UNC13A: variants seen among roughly 807,000 people sequenced by gnomAD.
UNC13A encodes unc-13 homolog A.
In UNC13A, 61 loss-of-function variants were observed where a neutral mutation model predicts 219.7. The ratio of observed to expected loss-of-function variants is 0.28; its 90% CI spans 0.23 to 0.34. The LOEUF is 0.34. UNC13A is among the 10% of genes least tolerant of loss of function. UNC13A has a pLI of 1.00. For synonymous variants in UNC13A, 920 were observed against 884.6 expected, an observed-to-expected ratio of 1.04 and a Z score of -0.71; for missense variants, 1,476 against 2,270.3, an observed-to-expected ratio of 0.65 and a Z score of 7.11.
chr19:17,616,375 C>G (rs568882548), intron 41 of UNC13A: 1 of 675,878 alleles, frequency 1.5e-6, no homozygotes, highest in East Asian at 2.9e-5. Context: ...GGGCACCAGG[C>G]GCGGGCGGCG....
chr19:17,680,507 TG>T (rs1488075411), intron 1 of UNC13A, among the ~76,000 whole-genome samples: 1 of 152,148 alleles, frequency 6.6e-6, no homozygotes, highest in Non-Finnish European at 1.5e-5. Flanking sequence ...CAAAGGTCTT[TG>T]GGGCCCCCAG....
chr19:17,658,996 A>G (rs949043810), intron 8 of UNC13A, among the ~76,000 whole-genome samples: 3 of 152,056 alleles, frequency 2.0e-5, no homozygotes, highest in African/African-American at 7.2e-5. Flanking sequence ...AAAAATTCCA[A>G]TTCTAAAAGC....
At chr19:17,681,926 T>G (rs1468375280) in intron 1 of UNC13A, among the ~76,000 whole-genome samples, 4 of 149,632 alleles carry the variant, frequency 2.7e-5, no homozygotes, top group Non-Finnish European at 5.9e-5. Context: ...GCTTTTAGTC[T>G]CCATTAATAA....
At chr19:17,681,378 TAGG>T (rs2080015542) in intron 1 of UNC13A, among the ~76,000 whole-genome samples, 1 of 152,036 alleles carries the variant, frequency 6.6e-6, no homozygotes. Flanking sequence ...AAATAGATTA[TAGG>T]AGATTTGATC....
intron 26 of UNC13A, among the ~76,000 whole-genome samples, chr19:17,634,851 C>G (rs533941760): frequency 1.3e-5 from 2 of 152,016 alleles, no homozygotes; most frequent in Admixed American, 1.3e-4. Flanking sequence ...TGTACCACCA[C>G]GCCCGGTTAA....
intron 37 of UNC13A, 94 bp downstream of exon 37, chr19:17,621,738 T>G: frequency 7.3e-7 from 1 of 1,367,950 alleles, no homozygotes; most frequent in Non-Finnish European, 1.0e-6. Context: ...GACCCCCAGC[T>G]GCCCTTCCTG....
In UNC13A at chr19:17,608,522, A is replaced by G. The variant is rs893425213; in HGVS notation, c.4811+1418T>C. Among the ~76,000 whole-genome samples the G allele has an allele frequency of 1.2e-4, 16 of 128,830 alleles. 1 individual carries two copies. Among genetic ancestry groups the G allele is most frequent in the Non-Finnish European group, 2.1e-4 (12 of 56,266 alleles). The allele number at this position is 128,830 out of a possible 152,430, so 84.5% of individuals were successfully genotyped here. A position where few individuals can be genotyped will look rare whatever the true frequency, so the allele number is the denominator to read the frequency against. On this transcript the variant is annotated intron_variant, in intron 43 of 43. Coordinates refer to ENST00000519716, the MANE Select transcript of UNC13A (RefSeq NM_001080421.3). ...TACATATTTTATATATAATTATATAATATATATTTCTTTTAGACGGAGTCT... is the reference window on the plus strand; with the variant it reads ...TACATATTTTATATATAATTATATAGTATATATTTCTTTTAGACGGAGTCT...
At chr19:17,616,638 C>T (rs2076668258) in intron 41 of UNC13A, among the ~76,000 whole-genome samples, 1 of 152,190 alleles carries the variant, frequency 6.6e-6, no homozygotes, top group Admixed American at 6.5e-5. Context: ...ACGTCAGCTG[C>T]AGACAGACGG....
chr19:17,635,512 T>C (rs2076904260), intron 26 of UNC13A, among the ~76,000 whole-genome samples: 1 of 152,158 alleles, frequency 6.6e-6, no homozygotes, highest in Non-Finnish European at 1.5e-5. Context: ...ACTGTGCCCA[T>C]ATTCATACAC....
chr19:17,652,689 A>G lies in UNC13A; in HGVS notation c.1393-12T>C, dbSNP rs1431412105. On this transcript the variant is annotated splice_polypyrimidine_tract_variant and intron_variant, in intron 11 of 43. Coordinates refer to ENST00000519716, the MANE Select transcript of UNC13A (RefSeq NM_001080421.3). ...CCTTCTCCCCGGGCCTGCAGGACAG[A>G]CAGACAGATATGGTCAGTGTGGCTG... 2 of 1,613,644 alleles carry G rather than the reference A, an allele frequency of 1.2e-6. No homozygotes were observed. The highest frequency in any genetic ancestry group is 1.7e-6 in the Non-Finnish European group (2 of 1,179,664).
intron 30 of UNC13A, 63 bp from the exon 31 acceptor site, chr19:17,629,386 C>A: frequency 6.9e-7 from 1 of 1,440,694 alleles, no homozygotes; most frequent in East Asian, 2.4e-5. Flanking sequence ...GCCAGTCGTC[C>A]CATCAAGGCC....
intron 41 of UNC13A, among the ~76,000 whole-genome samples, chr19:17,617,501 G>A (rs1040222658): frequency 1.3e-5 from 2 of 152,072 alleles, no homozygotes; most frequent in East Asian, 1.9e-4. Flanking sequence ...AGGGGTTGAC[G>A]ATCACCTCCA....
At chr19:17,609,524 C>T (rs1203612047) in intron 43 of UNC13A, among the ~76,000 whole-genome samples, 1 of 151,998 alleles carries the variant, frequency 6.6e-6, no homozygotes, top group Non-Finnish European at 1.5e-5. Flanking sequence ...CACCCCCATG[C>T]AACCTCAGTC....
intron 31 of UNC13A, among the ~76,000 whole-genome samples, chr19:17,628,654 C>T (rs908674850): frequency 2.0e-5 from 3 of 152,134 alleles, no homozygotes; most frequent in African/African-American, 4.8e-5. Context: ...AACACACATA[C>T]TCACACATAC....
chr19:17,601,525 G>C lies in UNC13A; in HGVS notation c.*4529C>G, dbSNP rs1173331946. On this transcript the variant is annotated 3_prime_UTR_variant, in exon 44 of 44. Coordinates refer to ENST00000519716, the MANE Select transcript of UNC13A (RefSeq NM_001080421.3). The stretch of plus-strand genomic sequence containing the variant: ...GTCTGTGCAGACACTGGACCGACGG[G>C]GTAGAATCAAAACAAAACAAAAAAC... 6.6e-6 allele frequency: 1 copy of C among 152,500 alleles called. No individual in the cohort carries two copies. The highest frequency in any genetic ancestry group is 1.5e-5 in the Non-Finnish European group (1 of 68,030). The allele number at this position is 152,500 out of a possible 1,614,324, so 9.4% of individuals were successfully genotyped here. A position where few individuals can be genotyped will look rare whatever the true frequency, so the allele number is the denominator to read the frequency against.
intron 31 of UNC13A, chr19:17,628,239 A>G: frequency 2.3e-6 from 1 of 442,022 alleles, no homozygotes; most frequent in East Asian, 4.0e-5. Flanking sequence ...AGTTTCCTGC[A>G]AGAGCCCAAA....
At chr19:17,671,141 A>C (rs1206649999) in intron 4 of UNC13A, among the ~76,000 whole-genome samples, 2 of 152,038 alleles carry the variant, frequency 1.3e-5, no homozygotes, top group African/African-American at 4.8e-5. Flanking sequence ...CATAGCCCAG[A>C]GGGAGGAAGG....
In UNC13A at chr19:17,674,870, C is replaced by G; in HGVS notation, c.53-114G>C. 1 of 854,158 alleles carries G rather than the reference C, an allele frequency of 1.2e-6. No individual in the cohort carries two copies. Among genetic ancestry groups the G allele is most frequent in the Non-Finnish European group, 1.9e-6 (1 of 529,898 alleles). 52.9% of individuals were successfully genotyped at this position (854,158 alleles called of 1,614,324 possible). ...TCAGGAATTTCTGGGCCACTCACCC[C>G]CTAACCCACAACCCCACCCTCAGGG... On this transcript the variant is annotated intron_variant, in intron 2 of 43. Coordinates refer to ENST00000519716, the MANE Select transcript of UNC13A (RefSeq NM_001080421.3). This position sits in a 1 kb window ranked among gnomAD's most constrained non-coding sequence, Gnocchi z 5.0.
At chr19:17,680,608 C>T (rs1465849750) in intron 1 of UNC13A, among the ~76,000 whole-genome samples, 3 of 152,070 alleles carry the variant, frequency 2.0e-5, no homozygotes, top group Non-Finnish European at 4.4e-5. Context: ...TGGCTTCGCG[C>T]CTCCGTTTCT....
Sources: allele counts gnomAD v4.1 joint callset (sites outside exome capture counted in the v4.1 genomes callset), GRCh38; gene constraint gnomAD v4.1.1; non-coding constraint Gnocchi (gnomAD v3.1); transcripts MANE v1.5; gene names NCBI Gene and HGNC (gene_info 2026-07-23, HGNC 2026-07-21).